Variants in MAGI2 observed in about 807,000 individuals in gnomAD.
MAGI2 encodes the protein membrane associated guanylate kinase, WW and PDZ domain containing 2, also known as membrane-associated guanylate kinase, WW and PDZ domain-containing protein 2.
Under a neutral mutation model 133.3 loss-of-function variants are expected in MAGI2, and 35 were observed. The ratio of observed to expected loss-of-function variants is 0.26; its 90% confidence interval spans 0.20 to 0.35. MAGI2 has a LOEUF of 0.35. Among genes scored for constraint, MAGI2 ranks in the 10% least tolerant of loss-of-function variants. The pLI is 1.00. For synonymous variants in MAGI2, 729 were observed against 710.6 expected (o/e 1.03, Z -0.41); for missense variants, 1,636 against 1,863.4 (o/e 0.88, Z 2.25).
At chr7:78,307,241 T>C (rs1798317049) in intron 9 of MAGI2, among the ~76,000 whole-genome samples, 1 of 152,206 alleles carries the variant, frequency 6.6e-6, no homozygotes, top group Admixed American at 6.6e-5. Flanking sequence ...TTTACATATT[T>C]TCACTCCTAT....
At chr7:78,939,132 C>T (rs1800771823) in intron 2 of MAGI2, among the ~76,000 whole-genome samples, 1 of 151,786 alleles carries the variant, frequency 6.6e-6, no homozygotes, top group South Asian at 2.1e-4. Context: ...TAGCTGGAAC[C>T]ACAGGCACCT....
At chr7:79,113,069 G>C (rs1819069604) in intron 1 of MAGI2, among the ~76,000 whole-genome samples, 1 of 152,072 alleles carries the variant, frequency 6.6e-6, no homozygotes, top group Non-Finnish European at 1.5e-5. Context: ...CTATGCTTTG[G>C]CAGATTGTCA....
At chr7:79,260,855 T>G (rs762426858) in intron 1 of MAGI2, among the ~76,000 whole-genome samples, 37 of 152,198 alleles carry the variant, frequency 2.4e-4, no homozygotes, top group Non-Finnish European at 4.4e-4. Flanking sequence ...AGTCTAACAT[T>G]TGAAACACTC....
chr7:79,230,521 T>C (rs1831272244), intron 1 of MAGI2, among the ~76,000 whole-genome samples: 1 of 151,900 alleles, frequency 6.6e-6, no homozygotes, highest in Admixed American at 6.6e-5. Flanking sequence ...GTGGTTTTGA[T>C]TTGCATTTCT....
At chr7:79,250,620 A>T (rs1833177150) in intron 1 of MAGI2, among the ~76,000 whole-genome samples, 1 of 152,190 alleles carries the variant, frequency 6.6e-6, no homozygotes, top group Non-Finnish European at 1.5e-5. Context: ...AAAGAAATGG[A>T]AAGACATTTC....
chr7:78,221,808 C>A lies in MAGI2; in HGVS notation c.2048-20615G>T, dbSNP rs563005976. ...AAGAGTTCAGGACCAGCCTAGGCAA[C>A]TAGGCAACACAAGGAGACCTTGTCT... is the stretch of plus-strand genomic sequence containing the variant. On this transcript the variant is annotated intron_variant, in intron 10 of 21. Transcript: ENST00000354212. Among the ~76,000 whole-genome samples the A allele has an allele frequency of 4.0e-5, 6 of 151,622 alleles. No homozygotes were observed. In the South Asian group the frequency reaches 1.3e-3, roughly 32 times the overall value.
rs149883218 is a variant in MAGI2, at chr7:79,347,993, T to C, written c.301+105027A>G. Among the ~76,000 whole-genome samples the C allele has an allele frequency of 3.9e-5, 6 of 152,022 alleles. No homozygotes were observed. In the East Asian group the frequency reaches 1.2e-3, roughly 29 times the overall value. ...AAATTATCAGGGGAAACTTGCACCA[T>C]AAAATCTGATTATAAAGCAAACTAG... On this transcript the variant is annotated intron_variant, in intron 1 of 21. Transcript: ENST00000354212.
chr7:78,537,052 T>C (rs1461439575), intron 3 of MAGI2, among the ~76,000 whole-genome samples: 1 of 152,140 alleles, frequency 6.6e-6, no homozygotes, highest in Non-Finnish European at 1.5e-5. Flanking sequence ...AGTGAGAACA[T>C]ACAATGTTTA....
chr7:78,299,122 C>T (rs769723787), intron 9 of MAGI2, among the ~76,000 whole-genome samples: 4 of 151,982 alleles, frequency 2.6e-5, no homozygotes, highest in Non-Finnish European at 4.4e-5. Context: ...CTGGCTATAA[C>T]GGTTTTAAAA....
intron 1 of MAGI2, among the ~76,000 whole-genome samples, chr7:79,206,238 G>A (rs1161085817): frequency 6.7e-6 from 1 of 149,982 alleles, no homozygotes; most frequent in African/African-American, 2.5e-5. Flanking sequence ...AATCAGAGCA[G>A]AAATAAATAA....
At chr7:78,868,061 T>G (rs1269675875) in intron 2 of MAGI2, among the ~76,000 whole-genome samples, 1 of 152,186 alleles carries the variant, frequency 6.6e-6, no homozygotes, top group Non-Finnish European at 1.5e-5. Flanking sequence ...AGCAGAGTAT[T>G]AATCTTCACT....
At chr7:79,032,519 G>GAA (rs34049134) in intron 1 of MAGI2, among the ~76,000 whole-genome samples, 7 of 118,206 alleles carry the variant, frequency 5.9e-5, no homozygotes, top group East Asian at 2.7e-4. Flanking sequence ...CTCTGACTCA[G>GAA]AAAAAAAAAA....
At chr7:78,889,898 T>G (rs1013757048) in intron 2 of MAGI2, among the ~76,000 whole-genome samples, 11 of 152,126 alleles carry the variant, frequency 7.2e-5, no homozygotes, top group Non-Finnish European at 1.0e-4. Context: ...TAAATGTAAA[T>G]AGGCTAAATG....
intron 1 of MAGI2, 141 bp from the exon 2 acceptor site, chr7:79,007,347 A>G (rs1358086442): frequency 1.8e-6 from 1 of 571,076 alleles, no homozygotes; most frequent in African/African-American, 1.9e-5. Flanking sequence ...TCAAACATTT[A>G]CTGCCACAAT....
chr7:78,089,385 A>G (rs1469945051), intron 20 of MAGI2, among the ~76,000 whole-genome samples: 4 of 152,218 alleles, frequency 2.6e-5, no homozygotes, highest in African/African-American at 9.6e-5. Flanking sequence ...GGGAGAAGGT[A>G]GAATAAAGGA....
At chr7:79,400,664 A>C (rs2129162003) in intron 1 of MAGI2, among the ~76,000 whole-genome samples, 1 of 152,278 alleles carries the variant, frequency 6.6e-6, no homozygotes, top group African/African-American at 2.4e-5. Context: ...CTTTTAAATA[A>C]ATTTGTTCCA....
At chr7:78,491,871 TTGTGTGTGTGTG>T (rs10598552) in intron 5 of MAGI2, among the ~76,000 whole-genome samples, 1,618 of 141,106 alleles carry the variant, frequency 0.011, 11 homozygotes, top group African/African-American at 0.022. Context: ...TCCGTTCAAA[TTGTGTGTGTGTG>T]TGTGTGTGTG....
intron 1 of MAGI2, among the ~76,000 whole-genome samples, chr7:79,444,044 C>G (rs1848673467): frequency 6.6e-6 from 1 of 152,124 alleles, no homozygotes; most frequent in African/African-American, 2.4e-5. Context: ...AGCATATAAA[C>G]AGAACCAACA....
chr7:78,550,216 A>T (rs1799218885), intron 3 of MAGI2, among the ~76,000 whole-genome samples: 1 of 152,204 alleles, frequency 6.6e-6, no homozygotes, highest in African/African-American at 2.4e-5. Context: ...TTGTTATAGC[A>T]GCCTGAATGG....
Sources: allele counts gnomAD v4.1 joint callset (sites outside exome capture counted in the v4.1 genomes callset), GRCh38; gene constraint gnomAD v4.1.1; transcripts MANE v1.5; gene names NCBI Gene and HGNC (gene_info 2026-07-23, HGNC 2026-07-21).